ATG2B: variants seen among roughly 807,000 people sequenced by gnomAD.
ATG2B encodes the protein autophagy-related protein 2 homolog B.
A neutral mutation model predicts 241.3 loss-of-function variants in ATG2B; 121 were observed. That is an observed-to-expected ratio of 0.50 (90% CI 0.43 to 0.58). The LOEUF is 0.58. Among genes scored for constraint, ATG2B ranks in the 20% least tolerant of loss-of-function variants. ATG2B has a pLI of 0.00. For missense variants in ATG2B, 2,306 were observed against 2,491.6 expected, an observed-to-expected ratio of 0.93 and a Z score of 1.59; for synonymous variants, 858 against 876.6, an observed-to-expected ratio of 0.98 and a Z score of 0.37.
intron 6 of ATG2B, among the ~76,000 whole-genome samples, chr14:96,335,477 G>C (rs72704892): frequency 0.06 from 9,116 of 152,172 alleles, 371 homozygotes; most frequent in Non-Finnish European, 0.092. Context: ...GGGGTACCAT[G>C]CTAAGTGCTT....
At chr14:96,313,508 A>G in intron 23 of ATG2B, 73 bp from the exon 24 acceptor site, 1 of 640,078 alleles carries the variant, frequency 1.6e-6, no homozygotes, top group Non-Finnish European at 2.6e-6. Flanking sequence ...CTTAATACCA[A>G]TGTAAACCAG....
intron 8 of ATG2B, among the ~76,000 whole-genome samples, chr14:96,333,479 CA>C (rs1215839778): frequency 3.3e-5 from 5 of 151,952 alleles, no homozygotes; most frequent in African/African-American, 1.2e-4. Context: ...CAATCAAAAT[CA>C]AAAAAATATA....
intron 32 of ATG2B, 27 bp from the exon 33 acceptor site, chr14:96,303,282 G>C (rs373595551): frequency 2.0e-6 from 3 of 1,473,344 alleles, no homozygotes; most frequent in East Asian, 4.9e-5. Context: ...GAAGAACGCG[G>C]AACAGTTCTT....
At chr14:96,327,230 CAATAAT>C (rs74459993) in intron 14 of ATG2B, among the ~76,000 whole-genome samples, 133,327 of 148,768 alleles carry the variant, frequency 0.9, 60,347 homozygotes, top group Non-Finnish European at 0.96. Context: ...ATGTCTGTCT[CAATAAT>C]AATAATAATA....
chr14:96,296,678 T>C (rs1886648732), intron 34 of ATG2B, among the ~76,000 whole-genome samples: 2 of 151,616 alleles, frequency 1.3e-5, no homozygotes, highest in South Asian at 2.1e-4. Flanking sequence ...GGAGAATCAC[T>C]TGAACCTGGG....
chr14:96,323,801 G>T, intron 16 of ATG2B, 95 bp downstream of exon 16: 1 of 828,268 alleles, frequency 1.2e-6, no homozygotes, highest in Non-Finnish European at 2.0e-6. Context: ...GGATGGACAT[G>T]TTTAGCTTAT....
Position 96,290,437 on chromosome 14 carries a change from T to C in ATG2B, c.5855A>G (p.Gln1952Arg). ...ELTNRMVQTI[Q>R]AAAETAYDMV... ...GACTAAGGCAGTCTAAAAAGATACC[T>C]GTATGGTTTGAACCATTCTGTTTGT... Residue 1952 changes from glutamine (Q) to arginine (R), a missense_variant and splice_region_variant, in exon 40 of 42, where the codon CAG becomes CGG. By Grantham distance (43) the Gln-to-Arg change is conservative. Around this residue, in one of 2 missense-constraint regions of ATG2B, gnomAD observed 379 missense variants for 480.4 expected, o/e 0.79. Transcript: ENST00000359933. This position sits in a 1 kb window ranked among gnomAD's most constrained non-coding sequence, Gnocchi z 4.4. 1 of 1,614,142 alleles carries C rather than the reference T, an allele frequency of 6.2e-7. No homozygotes were observed. Among genetic ancestry groups the C allele is most frequent in the Non-Finnish European group, 8.5e-7 (1 of 1,179,986 alleles).
At chr14:96,348,216 T>C (rs557505019) in intron 1 of ATG2B, among the ~76,000 whole-genome samples, 8 of 152,350 alleles carry the variant, frequency 5.3e-5, no homozygotes, top group South Asian at 4.1e-4. Flanking sequence ...CATTATGTTA[T>C]ATGAAATAAG....
Position 96,309,475 on chromosome 14 carries a change from C to T in ATG2B, c.4281G>A (p.Ser1427=), listed in dbSNP as rs566940987. 1.5e-5 allele frequency: 24 copies of T among 1,613,936 alleles called. No individual in the cohort carries two copies. Among genetic ancestry groups the T allele is most frequent in the African/African-American group, 2.7e-5 (2 of 75,026 alleles). ...MEEIDMQQGT[S]SVKPQANGVL... ...TACCATTAGCCTGTGGTTTTACTGA[C>T]GAGGTGCCTTGTTGCATGTCGATCT... Residue 1427 remains serine (S), a synonymous_variant, in exon 29 of 42, where the codon TCG becomes TCA. Coordinates refer to ENST00000359933, the MANE Select transcript of ATG2B (RefSeq NM_018036.7).
At chr14:96,287,886 C>T (rs1886382015) in intron 41 of ATG2B, among the ~76,000 whole-genome samples, 1 of 152,214 alleles carries the variant, frequency 6.6e-6, no homozygotes, top group Non-Finnish European at 1.5e-5. Flanking sequence ...GTCTACCCTG[C>T]AGCCTAGTCT....
intron 5 of ATG2B, among the ~76,000 whole-genome samples, chr14:96,342,638 C>A (rs1163572288): frequency 1.3e-5 from 2 of 151,126 alleles, no homozygotes; most frequent in Non-Finnish European, 2.9e-5. Flanking sequence ...AGGAGAATCC[C>A]TTGAACCTGC....
intron 21 of ATG2B, among the ~76,000 whole-genome samples, chr14:96,315,923 A>C (rs2139863980): frequency 6.6e-6 from 1 of 152,362 alleles, no homozygotes. Flanking sequence ...ATATTCCTTA[A>C]AGAAGAATAA....
intron 29 of ATG2B, among the ~76,000 whole-genome samples, chr14:96,309,044 A>C (rs1887078729): frequency 1.3e-5 from 2 of 152,198 alleles, no homozygotes; most frequent in Admixed American, 6.5e-5. Context: ...TTACATACCT[A>C]AATCCCAACC....
At chr14:96,341,381 G>A (rs751994886) in intron 6 of ATG2B, 141 bp downstream of exon 6, 13 of 554,240 alleles carry the variant, frequency 2.3e-5, no homozygotes, top group Admixed American at 4.1e-5. Context: ...CATCAACTGA[G>A]AGTAAAAATG....
chr14:96,309,348 A>G (rs1887086600), intron 29 of ATG2B, 105 bp downstream of exon 29: 1 of 1,371,870 alleles, frequency 7.3e-7, no homozygotes, highest in Non-Finnish European at 9.9e-7. Context: ...ATCCATAAAA[A>G]CTCATATGCG....
intron 29 of ATG2B, among the ~76,000 whole-genome samples, chr14:96,308,253 C>T (rs71462735): frequency 0.41 from 14,590 of 35,684 alleles, 2,583 homozygotes; most frequent in Non-Finnish European, 0.48. Context: ...TATATATATA[C>T]ACACATATAT....
At chr14:96,291,406 C>A (rs920265024) in intron 38 of ATG2B, among the ~76,000 whole-genome samples, 194 bp downstream of exon 38, 1 of 152,144 alleles carries the variant, frequency 6.6e-6, no homozygotes, top group Non-Finnish European at 1.5e-5. Flanking sequence ...TTTCCAAATA[C>A]TACTCTTTTC....
chr14:96,348,019 G>A (rs1367132809), intron 1 of ATG2B, among the ~76,000 whole-genome samples: 10 of 152,224 alleles, frequency 6.6e-5, no homozygotes, highest in Non-Finnish European at 1.0e-4. Context: ...GTTTATGGAA[G>A]AGATATCCAC....
rs1481136513 is a variant in ATG2B at position 96,283,533 on chromosome 14, A to C, written c.*2222T>G. Reference sequence around the variant, plus strand: ...CTCCCTTTGGGCTTTGTCGTAAAAAACCCTCCATTTACCAGGAGGGATGCT... The same window carrying C: ...CTCCCTTTGGGCTTTGTCGTAAAAACCCCTCCATTTACCAGGAGGGATGCT... On this transcript the variant is annotated 3_prime_UTR_variant, in exon 42 of 42. Transcript: ENST00000359933. 1 of 151,618 alleles carries C rather than the reference A, an allele frequency of 6.6e-6. No individual in the cohort carries two copies. Among genetic ancestry groups the C allele is most frequent in the East Asian group, 1.9e-4 (1 of 5,166 alleles). 9.4% of individuals were successfully genotyped at this position (151,618 alleles called of 1,614,324 possible). A position where few individuals can be genotyped will look rare whatever the true frequency, so the allele number is the denominator to read the frequency against.
Sources: allele counts gnomAD v4.1 joint callset (sites outside exome capture counted in the v4.1 genomes callset), GRCh38; gene constraint gnomAD v4.1.1; regional missense constraint gnomAD v4.1.1; non-coding constraint Gnocchi (gnomAD v3.1); transcripts MANE v1.5; gene names NCBI Gene and HGNC (gene_info 2026-07-23, HGNC 2026-07-21).